SEMA4B: variants seen among roughly 807,000 people sequenced by gnomAD.
SEMA4B encodes the protein semaphorin-4B.
In SEMA4B, 55 loss-of-function variants were observed where a neutral mutation model predicts 88.1. That is an observed-to-expected ratio of 0.62 (90% CI 0.50 to 0.78). The LOEUF is 0.78. Among genes scored for constraint, SEMA4B ranks in the 30% least tolerant of loss-of-function variants. SEMA4B has a pLI of 0.00. For missense variants in SEMA4B, 1,062 were observed against 1,111.9 expected (o/e 0.96, Z 0.64); for synonymous variants, 525 against 473.6 (o/e 1.11, Z -1.41).
chr15:90,213,441 G>A (rs558779822), intron 1 of SEMA4B, among the ~76,000 whole-genome samples: 12 of 152,348 alleles, frequency 7.9e-5, no homozygotes, highest in Admixed American at 6.5e-4. Context: ...TCCCTTTGTC[G>A]TTTCATTCAC....
intron 3 of SEMA4B, 40 bp downstream of exon 3, chr15:90,217,869 A>C: frequency 6.4e-7 from 1 of 1,570,960 alleles, no homozygotes; most frequent in Admixed American, 1.8e-5. Context: ...TGCAGGAGGG[A>C]TGGAGGGTGG....
At chr15:90,209,616 A>G (rs942442911) in intron 1 of SEMA4B, among the ~76,000 whole-genome samples, 1 of 152,110 alleles carries the variant, frequency 6.6e-6, no homozygotes, top group Non-Finnish European at 1.5e-5. Context: ...ATCATCATCA[A>G]ACATCAAACA....
chr15:90,228,493 GTCCCTGTC>G lies in SEMA4B; in HGVS notation c.2365_2372del (p.Ser789ArgfsTer11). On this transcript the variant is annotated frameshift_variant, in exon 14 of 14. Transcript: ENST00000411539. LOFTEE classifies it high-confidence loss of function. The stretch of plus-strand genomic sequence containing the variant: ...CCCCGCTCGATCACCGAGGGTACCA[GTCCCTGTC>G]AGACAGCCCCCCGGGGTCCCGAGTC... 2 of 1,611,032 alleles carry G rather than the reference GTCCCTGTC, an allele frequency of 1.2e-6. No homozygotes were observed. The highest frequency in any genetic ancestry group is 1.7e-6 in the Non-Finnish European group (2 of 1,179,146).
rs567247528 is a variant in SEMA4B, at chr15:90,227,769, C to T, written c.1774+127C>T. On this transcript the variant is annotated intron_variant, in intron 13 of 13. Coordinates refer to ENST00000411539, the MANE Select transcript of SEMA4B (RefSeq NM_198925.4). The stretch of plus-strand genomic sequence containing the variant: ...GCCCCCTACCCCTGTAAGCAGGTCC[C>T]CAGGAAGACTCAGTCCCAGGGGTCC... 61 of 1,468,154 alleles carry T rather than the reference C, an allele frequency of 4.2e-5. No individual in the cohort carries two copies. The African/African-American group carries it at 7.5e-4, about 18-fold the overall frequency. The allele number at this position is 1,468,154 out of a possible 1,614,324, so 90.9% of individuals were successfully genotyped here.
rs1293174842 is a variant in SEMA4B, at chr15:90,218,651, A to G, written c.384+822A>G. On this transcript the variant is annotated intron_variant, in intron 3 of 13. Coordinates refer to ENST00000411539, the MANE Select transcript of SEMA4B (RefSeq NM_198925.4). ...AACATAGTGAAACTCCGTCTCTACT[A>G]AAAATACAAAAAACATTAGCCAGGC... Among the ~76,000 whole-genome samples, 4 of 152,136 alleles carry G rather than the reference A, an allele frequency of 2.6e-5. No individual in the cohort carries two copies. In the South Asian group the frequency reaches 8.3e-4, roughly 32 times the overall value.
At chr15:90,187,643 A>G (rs1960203779) in intron 1 of SEMA4B, among the ~76,000 whole-genome samples, 2 of 152,226 alleles carry the variant, frequency 1.3e-5, no homozygotes, top group Admixed American at 6.5e-5. Context: ...GAGCACTTCT[A>G]GAACTCTGCC....
chr15:90,227,894 C>T lies in SEMA4B; in HGVS notation c.1775-10C>T. ...GGCACCCCCCTACCCCATGCCTTTT[C>T]TGCCTACAGGGGAGAAGCCATGTGA... On this transcript the variant is annotated splice_polypyrimidine_tract_variant and intron_variant, in intron 13 of 13. Coordinates refer to ENST00000411539, the MANE Select transcript of SEMA4B (RefSeq NM_198925.4). 1.2e-6 allele frequency: 2 copies of T among 1,609,542 alleles called. No homozygotes were observed. The highest frequency in any genetic ancestry group is 1.3e-5 in the African/African-American group (1 of 75,046).
chr15:90,224,401 G>A (rs1293237600), intron 9 of SEMA4B, among the ~76,000 whole-genome samples: 1 of 152,206 alleles, frequency 6.6e-6, no homozygotes. Context: ...AAGGATATAC[G>A]TGCCAAATAG....
chr15:90,228,264 G>C lies in SEMA4B; in HGVS notation c.2135G>C (p.Arg712Thr). Reference sequence around the variant, plus strand: ...GGCAAGGCCAGCTGGGGTGCAGACAGGTCCTACTGGAAGGAGTTCCTGGTG... The same window carrying C: ...GGCAAGGCCAGCTGGGGTGCAGACACGTCCTACTGGAAGGAGTTCCTGGTG... ...AGGKASWGAD[R>T]SYWKEFLVMC... Residue 712 changes from arginine (R) to threonine (T), a missense_variant, in exon 14 of 14, where the codon AGG becomes ACG. Coordinates refer to ENST00000411539, the MANE Select transcript of SEMA4B (RefSeq NM_198925.4). 6.3e-7 allele frequency: 1 copy of C among 1,591,684 alleles called. No homozygotes were observed. The highest frequency in any genetic ancestry group is 8.6e-7 in the Non-Finnish European group (1 of 1,168,074).
chr15:90,224,890 C>G (rs1369216638), intron 9 of SEMA4B, 78 bp from the exon 10 acceptor site: 1 of 1,212,036 alleles, frequency 8.3e-7, no homozygotes, highest in African/African-American at 1.5e-5. Context: ...CCGCTACTGT[C>G]CACTGGGGAA....
Position 90,223,875 on chromosome 15 carries a change from T to G in SEMA4B, c.1081T>G (p.Phe361Val). The G allele has an allele frequency of 6.2e-7, 1 of 1,613,970 alleles. No individual in the cohort carries two copies. Among genetic ancestry groups the G allele is most frequent in the Non-Finnish European group, 8.5e-7 (1 of 1,179,884 alleles). Residue 361 changes from phenylalanine to valine, a missense_variant, in exon 9 of 14, where the codon TTC (phenylalanine) becomes GTC (valine). Physicochemically the swap from Phe to Val is conservative, Grantham distance 50. Transcript: ENST00000411539. ...TACAGAAGGCTCTGCCGTCTGTGTC[T>G]TCACAATGAAGGATGTGCAGAGAGT... ...GTTEGSAVCV[F>V]TMKDVQRVFS...
intron 1 of SEMA4B, chr15:90,217,171 T>C (rs1961569522): frequency 2.9e-6 from 1 of 340,530 alleles, no homozygotes; most frequent in South Asian, 6.8e-5. Flanking sequence ...TTGGACGGAC[T>C]CTTTGGTTTT....
Position 90,212,655 on chromosome 15 carries a change from C to A in SEMA4B, c.158-4784C>A, listed in dbSNP as rs1253988196. ...CTGCGGTACCGTGTACACACACACA[C>A]ACACACACACACCACAGGCAAGCTC... On this transcript the variant is annotated intron_variant, in intron 1 of 13. Transcript: ENST00000411539. The surrounding 1 kb of genome is among the most constrained non-coding windows in gnomAD (Gnocchi z 4.0). 1.3e-5 allele frequency among the ~76,000 whole-genome samples: 2 copies of A among 152,022 alleles called. No homozygotes were observed. The highest frequency in any genetic ancestry group is 4.8e-5 in the African/African-American group (2 of 41,382).
upstream of SEMA4B, among the ~76,000 whole-genome samples, chr15:90,197,018 G>A: frequency 6.6e-6 from 1 of 152,150 alleles, no homozygotes; most frequent in East Asian, 1.9e-4. Flanking sequence ...CCAACAAAAT[G>A]TCTCATGTTT....
At chr15:90,205,285 G>C (rs150258940) in intron 1 of SEMA4B, among the ~76,000 whole-genome samples, 19 of 152,226 alleles carry the variant, frequency 1.2e-4, no homozygotes, top group African/African-American at 4.3e-4. Context: ...AGGCTGCCCT[G>C]GGAAGCCCTG....
upstream of SEMA4B, among the ~76,000 whole-genome samples, chr15:90,196,423 C>T (rs1434334265): frequency 2.0e-5 from 3 of 152,098 alleles, no homozygotes; most frequent in Non-Finnish European, 4.4e-5. Flanking sequence ...AACAATCTTC[C>T]ACCCAATGGT....
intron 7 of SEMA4B, among the ~76,000 whole-genome samples, chr15:90,222,253 T>TTTA (rs1567059391): frequency 1.7e-5 from 1 of 59,544 alleles, no homozygotes. Flanking sequence ...TTTTTTCTTT[T>TTTA]CTTTTTTTTT....
intron 4 of SEMA4B, 108 bp from the exon 5 acceptor site, chr15:90,220,874 C>T (rs1961792938): frequency 1.4e-6 from 1 of 711,916 alleles, no homozygotes; most frequent in Non-Finnish European, 2.5e-6. Flanking sequence ...TCCCACACAC[C>T]TCACCTGCCT....
At chr15:90,199,914 A>T (rs1960642533), upstream of SEMA4B, among the ~76,000 whole-genome samples, 1 of 152,104 alleles carries the variant, frequency 6.6e-6, no homozygotes, top group Non-Finnish European at 1.5e-5. Flanking sequence ...CACTGGCTGT[A>T]GGTGGATTGA....
Sources: gnomAD v4.1 joint callset for allele counts (sites outside exome capture counted in the v4.1 genomes callset) on GRCh38, gnomAD v4.1.1 for gene constraint, Gnocchi (gnomAD v3.1) non-coding constraint, MANE v1.5 for transcripts, NCBI Gene and HGNC (gene_info 2026-07-23, HGNC 2026-07-21) for gene names.